SUFU: variants seen among roughly 807,000 people sequenced by gnomAD.
SUFU encodes suppressor of fused homolog.
Under a neutral mutation model 58.9 loss-of-function variants are expected in SUFU, and 7 were observed. The observed-to-expected ratio is 0.12, with a 90% CI of 0.07 to 0.22. The LOEUF is 0.22. SUFU is among the 10% of genes least tolerant of loss of function. The pLI is 1.00. For missense variants in SUFU, 451 were observed against 641.3 expected (o/e 0.70, Z 3.20); for synonymous variants, 232 against 254.8 (o/e 0.91, Z 0.85).
At chr10:102,612,170 TG>T (rs2063631997) in intron 8 of SUFU, among the ~76,000 whole-genome samples, 2 of 626 alleles carry the variant, frequency 3.2e-3, no homozygotes, top group East Asian at 0.029. Context: ...ACTGGGTTCT[TG>T]TGTGTGTGTG....
chr10:102,562,490 T>A (rs1472681130), intron 3 of SUFU, among the ~76,000 whole-genome samples: 2 of 151,770 alleles, frequency 1.3e-5, no homozygotes, highest in East Asian at 3.9e-4. Context: ...GCCGCTACAG[T>A]CTAGCCTGGG....
intron 2 of SUFU, among the ~76,000 whole-genome samples, chr10:102,528,598 T>A (rs1261768308): frequency 6.6e-6 from 1 of 152,036 alleles, no homozygotes; most frequent in Non-Finnish European, 1.5e-5. Flanking sequence ...AAATTCAGTG[T>A]CTTATTCCAG....
intron 3 of SUFU, among the ~76,000 whole-genome samples, chr10:102,580,029 A>ACCCCCCCCCCCC (rs71474507): frequency 9.5e-5 from 8 of 84,640 alleles, no homozygotes; most frequent in Admixed American, 1.3e-4. Context: ...CCTCCCCCGC[A>ACCCCCCCCCCCC]CCCCCCCCCC....
intron 3 of SUFU, among the ~76,000 whole-genome samples, chr10:102,554,613 A>G (rs2062954550): frequency 6.6e-6 from 1 of 152,168 alleles, no homozygotes; most frequent in South Asian, 2.1e-4. Flanking sequence ...GCATAGTTAG[A>G]TCCTTAGCAC....
chr10:102,528,685 C>G (rs887292889), intron 2 of SUFU, among the ~76,000 whole-genome samples: 3 of 152,172 alleles, frequency 2.0e-5, no homozygotes, highest in Admixed American at 6.5e-5. Context: ...GTTTATTTGA[C>G]TGGATTCTCA....
At chr10:102,545,042 CT>C (rs2062839745) in intron 2 of SUFU, among the ~76,000 whole-genome samples, 1 of 151,778 alleles carries the variant, frequency 6.6e-6, no homozygotes, top group Admixed American at 6.6e-5. Flanking sequence ...GTTGTTTCTA[CT>C]TTTTGGCTAC....
At chr10:102,556,514 A>G (rs549899216) in intron 3 of SUFU, among the ~76,000 whole-genome samples, 13 of 152,212 alleles carry the variant, frequency 8.5e-5, no homozygotes, top group Admixed American at 7.9e-4. Flanking sequence ...AGGCCGAGGC[A>G]TGTGGATCAC....
rs1554852789 is a variant in SUFU at position 102,597,230 on chromosome 10, G to C, written c.847G>C (p.Glu283Gln). ...CAWDDLSRPP[E>Q]DDEDSRSICI... ...CTGGGATGACCTGAGCCGGCCCCCC[G>C]AGGATGACGAGGACAGCCGGAGCAT... Residue 283 changes from glutamate to glutamine, a missense_variant, in exon 7 of 12, where the codon GAG becomes CAG. Coordinates refer to ENST00000369902, the MANE Select transcript of SUFU (RefSeq NM_016169.4). 1 of 1,613,978 alleles carries C rather than the reference G, an allele frequency of 6.2e-7. No individual in the cohort carries two copies. Among genetic ancestry groups the C allele is most frequent in the Non-Finnish European group, 8.5e-7 (1 of 1,180,004 alleles).
chr10:102,585,718 A>G (rs2063328946), intron 3 of SUFU, among the ~76,000 whole-genome samples: 1 of 151,470 alleles, frequency 6.6e-6, no homozygotes, highest in Non-Finnish European at 1.5e-5. Flanking sequence ...GGGTTTTGCC[A>G]TGGTTGCCCT....
At chr10:102,602,474 T>G (rs1040898482) in intron 8 of SUFU, among the ~76,000 whole-genome samples, 2 of 152,216 alleles carry the variant, frequency 1.3e-5, no homozygotes, top group Non-Finnish European at 2.9e-5. Flanking sequence ...TTGGGCTTAT[T>G]TAACTAAACT....
chr10:102,543,500 T>C (rs538655608), intron 2 of SUFU, among the ~76,000 whole-genome samples: 1 of 152,224 alleles, frequency 6.6e-6, no homozygotes, highest in African/African-American at 2.4e-5. Context: ...TTTATAGTTA[T>C]GTAACCTTCA....
At chr10:102,616,869 T>C (rs1218461759) in intron 9 of SUFU, among the ~76,000 whole-genome samples, 6 of 152,188 alleles carry the variant, frequency 3.9e-5, no homozygotes, top group African/African-American at 1.4e-4. Flanking sequence ...TATCCCATCG[T>C]CCCAGGGAAA....
chr10:102,569,744 G>A (rs1310796135), intron 3 of SUFU, among the ~76,000 whole-genome samples: 1 of 152,098 alleles, frequency 6.6e-6, no homozygotes, highest in Non-Finnish European at 1.5e-5. Flanking sequence ...CCTCATGTCC[G>A]TCTCTGACCC....
intron 3 of SUFU, among the ~76,000 whole-genome samples, chr10:102,578,993 G>A (rs988948453): frequency 1.3e-5 from 2 of 152,180 alleles, no homozygotes; most frequent in African/African-American, 4.8e-5. Context: ...CAAGCTTGTG[G>A]GCAGAAGATT....
At chr10:102,594,955 G>T (rs1270377457) in intron 6 of SUFU, among the ~76,000 whole-genome samples, 1 of 152,120 alleles carries the variant, frequency 6.6e-6, no homozygotes, top group Non-Finnish European at 1.5e-5. Context: ...CTTGACCTCA[G>T]ATGATCCGCC....
rs562121862 is a variant in SUFU, at chr10:102,628,278, C to T, written c.1365+1035C>T. ...CTGAGGGGAGTGCACAGGGCGGGACCGTCCAGTCCAGGTCTCCAGTTGGAC... is the reference window on the plus strand; with the variant it reads ...CTGAGGGGAGTGCACAGGGCGGGACTGTCCAGTCCAGGTCTCCAGTTGGAC... On this transcript the variant is annotated intron_variant, in intron 11 of 11. Coordinates refer to ENST00000369902, the MANE Select transcript of SUFU (RefSeq NM_016169.4). The surrounding 1 kb of genome is among the most constrained non-coding windows in gnomAD (Gnocchi z 4.5). Among the ~76,000 whole-genome samples the T allele has an allele frequency of 6.6e-6, 1 of 152,294 alleles. No homozygotes were observed. Among genetic ancestry groups the T allele is most frequent in the East Asian group, 1.9e-4 (1 of 5,192 alleles).
chr10:102,531,652 G>A (rs1195608766), intron 2 of SUFU, among the ~76,000 whole-genome samples: 1 of 102 alleles, frequency 9.8e-3, no homozygotes, highest in Non-Finnish European at 0.05. Flanking sequence ...CTCTTGGTCA[G>A]GGTCCCAAAT....
Position 102,625,464 on chromosome 10 carries a change from C to G in SUFU, c.1297-1711C>G, listed in dbSNP as rs2063777087. ...CTGGGTCTCTTGTCTCCTTGCCAGCCAAAAGAGGGTGCTTGTCCTGGTGGG... is the reference window on the plus strand; with the variant it reads ...CTGGGTCTCTTGTCTCCTTGCCAGCGAAAAGAGGGTGCTTGTCCTGGTGGG... On this transcript the variant is annotated intron_variant, in intron 10 of 11. Transcript: ENST00000369902. The surrounding 1 kb of genome is among the most constrained non-coding windows in gnomAD (Gnocchi z 4.7). Among the ~76,000 whole-genome samples, 1 of 152,052 alleles carries G rather than the reference C, an allele frequency of 6.6e-6. No individual in the cohort carries two copies. Among genetic ancestry groups the G allele is most frequent in the Non-Finnish European group, 1.5e-5 (1 of 68,010 alleles).
At chr10:102,560,138 C>G (rs1253013608) in intron 3 of SUFU, among the ~76,000 whole-genome samples, 1 of 152,156 alleles carries the variant, frequency 6.6e-6, no homozygotes, top group African/African-American at 2.4e-5. Context: ...GAAATACTTG[C>G]TCATTATAAA....
Sources: gnomAD v4.1 joint callset for allele counts (sites outside exome capture counted in the v4.1 genomes callset) on GRCh38, gnomAD v4.1.1 for gene constraint, Gnocchi (gnomAD v3.1) non-coding constraint, MANE v1.5 for transcripts, NCBI Gene and HGNC (gene_info 2026-07-23, HGNC 2026-07-21) for gene names.